GRID2: variants seen among roughly 807,000 people sequenced by gnomAD.
The protein encoded by GRID2 is glutamate ionotropic receptor delta type subunit 2.
GRID2 carries 33 observed loss-of-function variants against 114.8 expected under a neutral mutation model. The ratio of observed to expected loss-of-function variants is 0.29; its 90% confidence interval spans 0.22 to 0.38. The LOEUF (loss-of-function observed/expected upper bound fraction) is 0.38. GRID2 is among the 10% of genes least tolerant of loss of function. The pLI is 1.00. For missense variants in GRID2, 1,184 were observed against 1,257.7 expected (o/e 0.94, Z 0.89); for synonymous variants, 505 against 449.9 (o/e 1.12, Z -1.55).
chr4:93,287,755 T>C (rs1310873118), intron 8 of GRID2, among the ~76,000 whole-genome samples: 2 of 152,210 alleles, frequency 1.3e-5, no homozygotes, highest in Non-Finnish European at 2.9e-5. Context: ...ATTCACTTGA[T>C]AAAGAGAGCA....
chr4:92,634,419 C>T lies in GRID2; in HGVS notation c.244+44133C>T, dbSNP rs908513182. ...CACAAAGTACTGCATTTGCTTAACA[C>T]TCAAGGTTATTGGCACATGTGCCCT... On this transcript the variant is annotated intron_variant, in intron 2 of 15. Coordinates refer to ENST00000282020, the MANE Select transcript of GRID2 (RefSeq NM_001510.4). Among the ~76,000 whole-genome samples, 5 of 152,238 alleles carry T rather than the reference C, an allele frequency of 3.3e-5. No homozygotes were observed. In the South Asian group the frequency reaches 8.3e-4, roughly 25 times the overall value.
intron 1 of GRID2, among the ~76,000 whole-genome samples, chr4:92,382,536 T>A (rs1298964495): frequency 6.6e-6 from 1 of 152,044 alleles, no homozygotes; most frequent in Non-Finnish European, 1.5e-5. Flanking sequence ...ATCAGTAAAT[T>A]TGCACTTAAG....
At chr4:92,847,803 C>T (rs916781498) in intron 2 of GRID2, among the ~76,000 whole-genome samples, 1 of 151,798 alleles carries the variant, frequency 6.6e-6, no homozygotes, top group East Asian at 1.9e-4. Flanking sequence ...GGCAAACGAA[C>T]AAATCGTGTT....
At chr4:92,839,158 T>G (rs1742688039) in intron 2 of GRID2, among the ~76,000 whole-genome samples, 1 of 152,114 alleles carries the variant, frequency 6.6e-6, no homozygotes. Flanking sequence ...TCTTTGGTGC[T>G]TTCAATCATT....
chr4:93,800,311 A>T (rs1222499679), intron 1 of GRID2, among the ~76,000 whole-genome samples: 1 of 152,196 alleles, frequency 6.6e-6, no homozygotes, highest in Non-Finnish European at 1.5e-5. Context: ...ACAAATGAGG[A>T]TGGGAAAATG....
rs566390299 is a variant in GRID2 at position 93,393,291 on chromosome 4, G to A, written c.1246-2316G>A. 1.3e-4 allele frequency among the ~76,000 whole-genome samples: 19 copies of A among 151,938 alleles called. No individual in the cohort carries two copies. In the South Asian group the frequency reaches 3.9e-3, roughly 31 times the overall value. ...TACCAATCCTAAAATCCAGACTGCTGTTATTAAGAAGAAGAACAACTGTAC... is the reference window on the plus strand; with the variant it reads ...TACCAATCCTAAAATCCAGACTGCTATTATTAAGAAGAAGAACAACTGTAC... On this transcript the variant is annotated intron_variant, in intron 8 of 15. Coordinates refer to ENST00000282020, the MANE Select transcript of GRID2 (RefSeq NM_001510.4).
chr4:93,511,143 G>A, intron 12 of GRID2, among the ~76,000 whole-genome samples: 1 of 151,928 alleles, frequency 6.6e-6, no homozygotes, highest in African/African-American at 2.4e-5. Context: ...CACCATGTTG[G>A]CCAGGCTGGT....
Position 93,720,544 on chromosome 4 carries a change from C to T in GRID2, c.2361-48666C>T, listed in dbSNP as rs918934430. ...ACACCTGCTGGGCATTTTCTATACACCAGGTACTGTACTGAGAATTTTGCA... is the reference window on the plus strand; with the variant it reads ...ACACCTGCTGGGCATTTTCTATACATCAGGTACTGTACTGAGAATTTTGCA... On this transcript the variant is annotated intron_variant, in intron 14 of 15. Coordinates refer to ENST00000282020, the MANE Select transcript of GRID2 (RefSeq NM_001510.4). 8.5e-5 allele frequency among the ~76,000 whole-genome samples: 13 copies of T among 152,232 alleles called. 1 individual carries two copies. The highest frequency in any genetic ancestry group is 1.9e-4 in the East Asian group (1 of 5,176).
chr4:92,855,335 C>T (rs1363751688), intron 2 of GRID2, among the ~76,000 whole-genome samples: 1 of 151,902 alleles, frequency 6.6e-6, no homozygotes, highest in Non-Finnish European at 1.5e-5. Context: ...CCTGTCTTTA[C>T]CTTAAAGGCG....
At chr4:92,389,582 G>T (rs748238446) in intron 1 of GRID2, among the ~76,000 whole-genome samples, 5 of 151,994 alleles carry the variant, frequency 3.3e-5, no homozygotes, top group African/African-American at 4.8e-5. Flanking sequence ...TTCTAAGTAG[G>T]TGCTACAATC....
intron 8 of GRID2, among the ~76,000 whole-genome samples, chr4:93,316,339 A>AGAAAGAAAGAAAGAAAGAAAGAAAGAAG (rs1192535496): frequency 4.4e-4 from 24 of 55,010 alleles, no homozygotes; most frequent in Non-Finnish European, 7.3e-4. Context: ...AAAGAAAGAA[A>AGAAAGAAAGAAAGAAAGAAAGAAAGAAG]GAAGGAAGGA....
At chr4:92,776,202 AAAAT>A (rs1191850729) in intron 2 of GRID2, among the ~76,000 whole-genome samples, 2 of 152,166 alleles carry the variant, frequency 1.3e-5, no homozygotes, top group African/African-American at 4.8e-5. Flanking sequence ...TATACTTTGT[AAAAT>A]AAATAACTTT....
intron 8 of GRID2, among the ~76,000 whole-genome samples, chr4:93,298,809 CTT>C (rs772881958): frequency 5.9e-5 from 9 of 152,186 alleles, no homozygotes; most frequent in Non-Finnish European, 1.3e-4. Flanking sequence ...TTCACATTAA[CTT>C]TTGAAATGAT....
intron 1 of GRID2, among the ~76,000 whole-genome samples, chr4:92,470,503 T>C (rs1721981620): frequency 6.6e-6 from 1 of 152,010 alleles, no homozygotes; most frequent in Non-Finnish European, 1.5e-5. Flanking sequence ...TAGAATTTTA[T>C]TTCTGTAATG....
rs897411033 is a variant in GRID2, at chr4:93,471,698, ATTTT to A, written c.1858+15738_1858+15741del. 3.4e-4 allele frequency among the ~76,000 whole-genome samples: 21 copies of A among 60,998 alleles called. 4 individuals are homozygous for A. Among genetic ancestry groups the A allele is most frequent in the African/African-American group, 1.8e-3 (20 of 11,090 alleles). The allele number at this position is 60,998 out of a possible 152,430, so 40.0% of individuals were successfully genotyped here. On this transcript the variant is annotated intron_variant, in intron 11 of 15. Transcript: ENST00000282020. ...ATTGTTATTTCTTCTCCTGAATTCA[ATTTT>A]TTTTTTTTTTTTTGGAGACGGAGTT...
intron 14 of GRID2, among the ~76,000 whole-genome samples, chr4:93,712,827 A>G (rs1395557883): frequency 6.6e-6 from 1 of 151,740 alleles, no homozygotes; most frequent in Non-Finnish European, 1.5e-5. Flanking sequence ...TACTGCTTGA[A>G]CTCTTATTAT....
At chr4:92,580,236 A>G (rs1560469774) in intron 1 of GRID2, among the ~76,000 whole-genome samples, 1 of 151,648 alleles carries the variant, frequency 6.6e-6, no homozygotes, top group Admixed American at 6.6e-5. Context: ...TTCCCTGGAA[A>G]TATCTGTATA....
At chr4:92,482,614 T>A (rs73837307) in intron 1 of GRID2, among the ~76,000 whole-genome samples, 2,721 of 152,292 alleles carry the variant, frequency 0.018, 91 homozygotes, top group African/African-American at 0.062. Flanking sequence ...CTACTTTTTT[T>A]AAGACGAGAT....
At chr4:92,821,878 C>T (rs1348922487) in intron 2 of GRID2, 1 of 154,668 alleles carries the variant, frequency 6.5e-6, no homozygotes, top group African/African-American at 2.4e-5. Context: ...TTCTCCCCAT[C>T]TCTTTATGTT....
Sources: allele counts gnomAD v4.1 joint callset (sites outside exome capture counted in the v4.1 genomes callset), GRCh38; gene constraint gnomAD v4.1.1; transcripts MANE v1.5; gene names NCBI Gene and HGNC (gene_info 2026-07-23, HGNC 2026-07-21).